DIP2A: variants seen among roughly 807,000 people sequenced by gnomAD.
The protein encoded by DIP2A is disco-interacting protein 2 homolog A.
Under a neutral mutation model 177.4 loss-of-function variants are expected in DIP2A, and 85 were observed. That is an observed-to-expected ratio of 0.48 (90% confidence interval 0.40 to 0.57). DIP2A has a LOEUF of 0.57. DIP2A is among the 20% of genes least tolerant of loss of function. DIP2A has a pLI of 0.00. For synonymous variants in DIP2A, 886 were observed against 881.8 expected, an observed-to-expected ratio of 1.00 and a Z score of -0.08; for missense variants, 1,791 against 2,100.2, an observed-to-expected ratio of 0.85 and a Z score of 2.88.
chr21:46,531,881 A>T (rs985864996), intron 9 of DIP2A, among the ~76,000 whole-genome samples: 4 of 152,198 alleles, frequency 2.6e-5, no homozygotes, highest in African/African-American at 9.7e-5. Flanking sequence ...CAGAATATAG[A>T]TACAGCTTAA....
At chr21:46,550,837 CCA>C (rs762486646) in intron 23 of DIP2A, 93 bp downstream of exon 23, 28 of 1,279,500 alleles carry the variant, frequency 2.2e-5, no homozygotes, top group Non-Finnish European at 3.1e-5. Context: ...ACCTCCAGTG[CCA>C]ACTGCCCACG....
chr21:46,538,708 T>G (rs1276686284), intron 16 of DIP2A, 106 bp downstream of exon 16: 2 of 1,438,914 alleles, frequency 1.4e-6, no homozygotes, highest in Non-Finnish European at 1.9e-6. Context: ...ACTGCCATTG[T>G]CATATAGATA....
At chr21:46,467,244 C>G (rs940693147) in intron 1 of DIP2A, among the ~76,000 whole-genome samples, 1 of 141,482 alleles carries the variant, frequency 7.1e-6, no homozygotes, top group African/African-American at 2.6e-5. Context: ...TGCAGTGAGC[C>G]GATATCGCAC....
intron 8 of DIP2A, among the ~76,000 whole-genome samples, chr21:46,525,042 G>A (rs2059014175): frequency 6.6e-6 from 1 of 151,580 alleles, no homozygotes; most frequent in Admixed American, 6.6e-5. Context: ...TGCACCACCA[G>A]GCCTGGCTAA....
rs2059659114 is a variant in DIP2A at position 46,538,346 on chromosome 21, C to G, written c.1802-137C>G. On this transcript the variant is annotated intron_variant, in intron 15 of 37. Transcript: ENST00000417564. ...GCATGTGAGAGACGGCTGCAGAGAG[C>G]TTGTGACCTGGGAGCTAAGTGTTGT... is the stretch of plus-strand genomic sequence containing the variant. The G allele has an allele frequency of 2.3e-6, 3 of 1,293,642 alleles. No individual in the cohort carries two copies. In the East Asian group the frequency reaches 7.9e-5, roughly 34 times the overall value. 80.1% of individuals were successfully genotyped at this position (1,293,642 alleles called of 1,614,324 possible). A position where few individuals can be genotyped will look rare whatever the true frequency, so the allele number is the denominator to read the frequency against.
chr21:46,582,110 A>T, the DIP2A span, among the ~76,000 whole-genome samples: 7 of 152,072 alleles, frequency 4.6e-5, no homozygotes, highest in Non-Finnish European at 8.8e-5. Flanking sequence ...TTCCAGGGAG[A>T]TCAGAGTTCT....
chr21:46,486,885 G>A (rs1242218232), intron 2 of DIP2A, among the ~76,000 whole-genome samples: 1 of 152,132 alleles, frequency 6.6e-6, no homozygotes, highest in African/African-American at 2.4e-5. Flanking sequence ...TTCATACAGC[G>A]GAAAGCTAAA....
At chr21:46,492,927 G>T (rs1703577184) in intron 3 of DIP2A, among the ~76,000 whole-genome samples, 1 of 106,236 alleles carries the variant, frequency 9.4e-6, no homozygotes. Context: ...GTGAGACTCT[G>T]TCTCAAAAAA....
intron 8 of DIP2A, 57 bp downstream of exon 8, chr21:46,511,671 A>G: frequency 2.8e-6 from 4 of 1,430,126 alleles, no homozygotes; most frequent in Middle Eastern, 3.7e-4. Context: ...TGTCACACAC[A>G]TAACACAGCA....
intron 3 of DIP2A, among the ~76,000 whole-genome samples, chr21:46,495,920 A>G (rs1199449660): frequency 6.6e-6 from 1 of 151,868 alleles, no homozygotes; most frequent in Non-Finnish European, 1.5e-5. Context: ...AAAAATATAA[A>G]AATTAGCCGG....
intron 3 of DIP2A, among the ~76,000 whole-genome samples, chr21:46,493,295 G>A (rs1407254808): frequency 1.3e-5 from 2 of 152,096 alleles, no homozygotes; most frequent in Non-Finnish European, 2.9e-5. Flanking sequence ...TATATTTTTA[G>A]TTCTAGGTTG....
chr21:46,481,582 A>T (rs73148710), intron 1 of DIP2A, among the ~76,000 whole-genome samples: 1 of 152,220 alleles, frequency 6.6e-6, no homozygotes, highest in Non-Finnish European at 1.5e-5. Flanking sequence ...TCAGCAATAT[A>T]TGAGTTTCTA....
chr21:46,565,886 A>G lies in DIP2A; in HGVS notation c.4338A>G (p.Gly1446=). Residue 1446 remains glycine (G), a splice_region_variant and synonymous_variant, in exon 36 of 38, where the codon GGA becomes GGG. Transcript: ENST00000417564. ...LRRTELTDAS[G]GRHDALYVVG... ...GAACAGAGCTCACTGATGCCAGTGG[A>G]GGTGAGGGGTTGTGGTGAAGCCCTG... 1.2e-6 allele frequency: 2 copies of G among 1,613,716 alleles called. No homozygotes were observed. Among genetic ancestry groups the G allele is most frequent in the Non-Finnish European group, 1.7e-6 (2 of 1,179,836 alleles).
intron 6 of DIP2A, among the ~76,000 whole-genome samples, chr21:46,505,839 T>G (rs938277289): frequency 3.9e-5 from 6 of 152,236 alleles, no homozygotes; most frequent in African/African-American, 1.4e-4. Flanking sequence ...TTTACGTTTA[T>G]GGTCTGCCTT....
At chr21:46,558,560 T>G in intron 32 of DIP2A, 167 bp downstream of exon 32, 1 of 696,710 alleles carries the variant, frequency 1.4e-6, no homozygotes, top group South Asian at 1.9e-5. Context: ...GGTTTTATTT[T>G]TAAAGATGTT....
At chr21:46,474,595 A>G (rs779233070) in intron 1 of DIP2A, among the ~76,000 whole-genome samples, 6 of 152,138 alleles carry the variant, frequency 3.9e-5, no homozygotes, top group Non-Finnish European at 7.4e-5. Flanking sequence ...AGATGACTGT[A>G]CTTCCTCAAA....
chr21:46,563,983 C>T lies in DIP2A; in HGVS notation c.4164+51C>T, dbSNP rs1284491377. The T allele has an allele frequency of 5.7e-6, 9 of 1,569,920 alleles. No individual in the cohort carries two copies. In the East Asian group the frequency reaches 6.7e-5, roughly 12 times the overall value. The stretch of plus-strand genomic sequence containing the variant: ...TTGAGCTCTCCAGCCTCACCAGCTT[C>T]ACCTTCCTTCCCTTTTTGCTTCAGA... On this transcript the variant is annotated intron_variant, in intron 35 of 37. Coordinates refer to ENST00000417564, the MANE Select transcript of DIP2A (RefSeq NM_015151.4). This position sits in a 1 kb window ranked among gnomAD's most constrained non-coding sequence, Gnocchi z 4.3.
At chr21:46,506,319 T>C (rs1415113763) in intron 6 of DIP2A, among the ~76,000 whole-genome samples, 5 of 152,196 alleles carry the variant, frequency 3.3e-5, no homozygotes, top group Non-Finnish European at 7.3e-5. Context: ...GATTTCACCA[T>C]GTTGTCCAGG....
chr21:46,520,343 G>A lies in DIP2A; in HGVS notation c.1102+8729G>A, dbSNP rs61043665. On this transcript the variant is annotated intron_variant, in intron 8 of 37. Coordinates refer to ENST00000417564, the MANE Select transcript of DIP2A (RefSeq NM_015151.4). ...AACAAGTTACTTCTGTTTTCTACTGGTTCTATTAGTCCTATTAGTTCAGCT... is the reference window on the plus strand; with the variant it reads ...AACAAGTTACTTCTGTTTTCTACTGATTCTATTAGTCCTATTAGTTCAGCT... Among the ~76,000 whole-genome samples the A allele has an allele frequency of 7.6e-3, 1,163 of 152,282 alleles. 20 individuals carry two copies. The highest frequency in any genetic ancestry group is 0.027 in the African/African-American group (1,119 of 41,548).
Sources: allele counts gnomAD v4.1 joint callset (sites outside exome capture counted in the v4.1 genomes callset), GRCh38; gene constraint gnomAD v4.1.1; non-coding constraint Gnocchi (gnomAD v3.1); transcripts MANE v1.5; gene names NCBI Gene and HGNC (gene_info 2026-07-23, HGNC 2026-07-21).